Variants in PRKG1 observed in about 807,000 individuals in gnomAD.
PRKG1 encodes protein kinase cGMP-dependent 1.
In PRKG1, 35 loss-of-function variants were observed where a neutral mutation model predicts 88.1. That is an observed-to-expected ratio of 0.40 (90% CI 0.30 to 0.53). The LOEUF (loss-of-function observed/expected upper bound fraction) is 0.53, where lower values mean the gene tolerates loss of function less well. PRKG1 is among the 20% of genes least tolerant of loss of function. PRKG1 has a pLI of 0.59. For missense variants in PRKG1, 540 were observed against 839.8 expected (o/e 0.64, Z 4.41); for synonymous variants, 303 against 292.5 (o/e 1.04, Z -0.37).
chr10:51,449,853 G>A (rs1005039754), intron 2 of PRKG1, among the ~76,000 whole-genome samples: 3 of 151,322 alleles, frequency 2.0e-5, no homozygotes, highest in Non-Finnish European at 4.4e-5. Context: ...TTACTTTTCT[G>A]AAGTCTGGGC....
chr10:51,651,583 A>AT (rs1840039998), intron 3 of PRKG1, among the ~76,000 whole-genome samples: 1 of 105,634 alleles, frequency 9.5e-6, no homozygotes, highest in African/African-American at 2.9e-5. Flanking sequence ...TACAGATCTT[A>AT]CTTTTTTTTT....
intron 2 of PRKG1, among the ~76,000 whole-genome samples, chr10:51,461,413 G>T (rs962840473): frequency 5.9e-5 from 9 of 151,970 alleles, no homozygotes; most frequent in East Asian, 3.9e-4. Context: ...GATACAAAAA[G>T]GTTTAGAAAA....
intron 3 of PRKG1, among the ~76,000 whole-genome samples, chr10:51,749,021 T>A (rs958500403): frequency 2.0e-5 from 3 of 152,228 alleles, no homozygotes; most frequent in Admixed American, 1.3e-4. Flanking sequence ...AGATAGTGAC[T>A]GTGGCTATTT....
rs1428645277 is a variant in PRKG1 at position 51,922,504 on chromosome 10, T to C, written c.762+14934T>C. ...ACAGCTTAGATTATTTATTTTTAGA[T>C]CTTTCTTCCTTTGTAATGTATTCAT... On this transcript the variant is annotated intron_variant, in intron 5 of 17. Coordinates refer to ENST00000373980, the MANE Select transcript of PRKG1 (RefSeq NM_006258.4). 2.0e-5 allele frequency among the ~76,000 whole-genome samples: 3 copies of C among 152,012 alleles called. No individual in the cohort carries two copies. In the East Asian group the frequency reaches 5.8e-4, roughly 29 times the overall value.
chr10:51,700,998 A>G (rs1355582932), intron 3 of PRKG1, among the ~76,000 whole-genome samples: 1 of 152,214 alleles, frequency 6.6e-6, no homozygotes, highest in Non-Finnish European at 1.5e-5. Context: ...TGTAACATAC[A>G]TGAAAGATTT....
At chr10:52,203,730 T>A (rs1310689201) in intron 9 of PRKG1, among the ~76,000 whole-genome samples, 2 of 152,234 alleles carry the variant, frequency 1.3e-5, no homozygotes, top group Admixed American at 6.5e-5. Context: ...GAGAGTTAAG[T>A]CTTCTTATTG....
At chr10:51,411,355 G>A (rs1588930304) in intron 2 of PRKG1, among the ~76,000 whole-genome samples, 3 of 152,250 alleles carry the variant, frequency 2.0e-5, no homozygotes, top group African/African-American at 7.2e-5. Context: ...TAATCAACTC[G>A]TTTAATGGTA....
At position 51,819,943 on chromosome 10, in the gene PRKG1, A is replaced by G. The variant is rs187167120; in HGVS notation, c.698+15253A>G. 6.7e-3 allele frequency among the ~76,000 whole-genome samples: 1,015 copies of G among 152,332 alleles called. 10 individuals are homozygous for G. Among genetic ancestry groups the G allele is most frequent in the African/African-American group, 0.023 (962 of 41,574 alleles). On this transcript the variant is annotated intron_variant, in intron 4 of 17. Transcript: ENST00000373980. The stretch of plus-strand genomic sequence containing the variant: ...ATTGAGAATGAAAAGCTTCATCATC[A>G]TGACAATTGAGGCACAGATGACATC...
At chr10:51,683,546 C>T (rs1392883356) in intron 3 of PRKG1, among the ~76,000 whole-genome samples, 2 of 152,138 alleles carry the variant, frequency 1.3e-5, no homozygotes, top group African/African-American at 4.8e-5. Flanking sequence ...AATCTGTCTT[C>T]CTGCCCTGGG....
At chr10:52,042,202 T>C (rs1845769102) in intron 5 of PRKG1, among the ~76,000 whole-genome samples, 1 of 152,128 alleles carries the variant, frequency 6.6e-6, no homozygotes, top group Non-Finnish European at 1.5e-5. Flanking sequence ...AAGGGCATTC[T>C]TTGCAGAAAT....
chr10:51,853,661 T>C (rs1398374466), intron 4 of PRKG1, among the ~76,000 whole-genome samples: 2 of 152,156 alleles, frequency 1.3e-5, no homozygotes, highest in African/African-American at 4.8e-5. Context: ...CCTTTCAAAA[T>C]ACTAAATAAC....
intron 3 of PRKG1, among the ~76,000 whole-genome samples, chr10:51,684,433 A>G (rs1840933174): frequency 6.6e-6 from 1 of 152,084 alleles, no homozygotes; most frequent in Admixed American, 6.6e-5. Flanking sequence ...TATCGTAACA[A>G]CCATTACATT....
intron 7 of PRKG1, among the ~76,000 whole-genome samples, chr10:52,067,699 A>G (rs1173937630): frequency 6.7e-6 from 1 of 150,088 alleles, no homozygotes; most frequent in African/African-American, 2.4e-5. Context: ...ATTGTGCAGT[A>G]TTGTTTGGCT....
intron 2 of PRKG1, chr10:51,299,741 T>G: frequency 2.6e-6 from 1 of 391,820 alleles, no homozygotes; most frequent in Non-Finnish European, 4.9e-6. Flanking sequence ...GGCCTCTCAA[T>G]GACATTATAA....
chr10:51,333,461 C>T (rs1841791509), intron 2 of PRKG1, among the ~76,000 whole-genome samples: 1 of 152,102 alleles, frequency 6.6e-6, no homozygotes, highest in African/African-American at 2.4e-5. Context: ...TGAAGTCACC[C>T]AGTAGGAAAA....
intron 3 of PRKG1, among the ~76,000 whole-genome samples, chr10:51,561,644 G>A (rs535171428): frequency 6.6e-6 from 1 of 152,126 alleles, no homozygotes; most frequent in African/African-American, 2.4e-5. Flanking sequence ...AAGAAGGGGT[G>A]GGGAGAGGAA....
At chr10:51,645,113 C>A (rs1839885524) in intron 3 of PRKG1, among the ~76,000 whole-genome samples, 1 of 152,204 alleles carries the variant, frequency 6.6e-6, no homozygotes, top group African/African-American at 2.4e-5. Flanking sequence ...TCAGCTGCCG[C>A]ACCCAGCATC....
At chr10:52,136,753 G>A (rs1206429207) in intron 8 of PRKG1, among the ~76,000 whole-genome samples, 1 of 151,942 alleles carries the variant, frequency 6.6e-6, no homozygotes, top group African/African-American at 2.4e-5. Flanking sequence ...AAATAAATAT[G>A]CCCTTCCTCT....
chr10:51,511,490 G>T (rs1432524648), intron 3 of PRKG1, among the ~76,000 whole-genome samples: 1 of 152,034 alleles, frequency 6.6e-6, no homozygotes, highest in Non-Finnish European at 1.5e-5. Flanking sequence ...CTGCAAGTTG[G>T]TATATGAAAA....
Sources: gnomAD v4.1 joint callset for allele counts (sites outside exome capture counted in the v4.1 genomes callset) on GRCh38, gnomAD v4.1.1 for gene constraint, MANE v1.5 for transcripts, NCBI Gene and HGNC (gene_info 2026-07-23, HGNC 2026-07-21) for gene names.